The following TENT4B variants were observed in gnomAD, a reference collection of about 807,000 sequenced individuals.
The protein encoded by TENT4B is PAP associated domain containing 5.
A neutral mutation model predicts 75.0 loss-of-function variants in TENT4B; 10 were observed. The ratio of observed to expected loss-of-function variants is 0.13; its 90% CI spans 0.08 to 0.23. The LOEUF (loss-of-function observed/expected upper bound fraction) is 0.23, where lower values mean the gene tolerates loss of function less well. Among genes scored for constraint, TENT4B ranks in the 10% least tolerant of loss-of-function variants. The pLI, the probability that TENT4B is intolerant of heterozygous loss-of-function variation, is 1.00. For missense variants in TENT4B, 579 were observed against 893.8 expected (o/e 0.65, Z 4.49); for synonymous variants, 350 against 357.7 (o/e 0.98, Z 0.24).
intron 11 of TENT4B, 63 bp from the exon 12 acceptor site, chr16:50,229,089 G>A: frequency 6.3e-7 from 1 of 1,585,010 alleles, no homozygotes; most frequent in Non-Finnish European, 8.5e-7. Flanking sequence ...AAATCCAGGT[G>A]TTTGAGAACA....
chr16:50,171,316 G>A (rs1277566964), intron 1 of TENT4B, among the ~76,000 whole-genome samples: 2 of 152,096 alleles, frequency 1.3e-5, no homozygotes, highest in Non-Finnish European at 2.9e-5. Context: ...TGCAAGGATC[G>A]CTTGAGCCTA....
chr16:50,202,296 T>G (rs1353617332), intron 1 of TENT4B, among the ~76,000 whole-genome samples: 1 of 152,194 alleles, frequency 6.6e-6, no homozygotes, highest in African/African-American at 2.4e-5. Context: ...ATGGTTGTAT[T>G]TTTAACAGAG....
At position 50,153,852 on chromosome 16, in the gene TENT4B, C is replaced by A; in HGVS notation, c.231C>A (p.Ala77=). ...CCGGCGGCGCGGCCTCGGCCCCGGC[C>A]CCGGCCCCGGCCGGCATGTATCGCT... is the stretch of plus-strand genomic sequence containing the variant. The part of the protein sequence containing the change: ...GSPGGAASAP[A]PAPAGMYRSG... The change falls in exon 1 of 12, where the codon GCC becomes GCA. Residue 77 remains alanine (A), a synonymous_variant. Coordinates refer to ENST00000561678, the MANE Select transcript of TENT4B (RefSeq NM_001365324.3). The A allele has an allele frequency of 7.3e-7, 1 of 1,378,672 alleles. No homozygotes were observed. Among genetic ancestry groups the A allele is most frequent in the Non-Finnish European group, 9.3e-7 (1 of 1,070,822 alleles). The allele number at this position is 1,378,672 out of a possible 1,614,324, so 85.4% of individuals were successfully genotyped here. A position where few individuals can be genotyped will look rare whatever the true frequency, so the allele number is the denominator to read the frequency against.
At position 50,229,307 on chromosome 16, in the gene TENT4B, C is replaced by G. The variant is rs759742461; in HGVS notation, c.2121C>G (p.Pro707=). The change falls in exon 12 of 12, where the codon CCC becomes CCG. Residue 707 remains proline (P), a synonymous_variant. Coordinates refer to ENST00000561678, the MANE Select transcript of TENT4B (RefSeq NM_001365324.3). ...AGAGGAAACACAAGAGGGACGCGCC[C>G]CTCTCAGACCTCTGTAGATAGTCAG... ...GKKRKHKRDA[P]LSDLCR 1.2e-6 allele frequency: 2 copies of G among 1,613,158 alleles called. No individual in the cohort carries two copies. The highest frequency in any genetic ancestry group is 2.7e-5 in the African/African-American group (2 of 74,856).
chr16:50,232,869 A>C lies in TENT4B; in HGVS notation c.*3541A>C. The C allele has an allele frequency of 1.0e-6, 1 of 985,320 alleles. No homozygotes were observed. Among genetic ancestry groups the C allele is most frequent in the Non-Finnish European group, 1.2e-6 (1 of 829,792 alleles). The allele number at this position is 985,320 out of a possible 1,614,324, so 61.0% of individuals were successfully genotyped here. ...TTGATTTCTCAGTGTTTCTGTCACTAACCAAGAATGTTTCTAGGCAGTTGG... is the reference window on the plus strand; with the variant it reads ...TTGATTTCTCAGTGTTTCTGTCACTCACCAAGAATGTTTCTAGGCAGTTGG... On this transcript the variant is annotated 3_prime_UTR_variant, in exon 12 of 12. Coordinates refer to ENST00000561678, the MANE Select transcript of TENT4B (RefSeq NM_001365324.3).
At chr16:50,167,505 ATGTCTAATT>A (rs1180986270) in intron 1 of TENT4B, among the ~76,000 whole-genome samples, 1 of 150,548 alleles carries the variant, frequency 6.6e-6, no homozygotes, top group African/African-American at 2.4e-5. Context: ...TGTTTCAATG[ATGTCTAATT>A]TGTCTATTTT....
At chr16:50,169,223 C>G (rs915827012) in intron 1 of TENT4B, among the ~76,000 whole-genome samples, 2 of 151,972 alleles carry the variant, frequency 1.3e-5, no homozygotes, top group African/African-American at 4.8e-5. Context: ...TCTTTTCCCC[C>G]ATATTTATTT....
chr16:50,153,125 C>T, upstream of TENT4B: 3 of 975,592 alleles, frequency 3.1e-6, no homozygotes, highest in South Asian at 3.2e-5. Flanking sequence ...CACGGCGAGG[C>T]CTCCCGGGCT....
At chr16:50,220,103 C>T (rs1423026169) in intron 5 of TENT4B, among the ~76,000 whole-genome samples, 2 of 151,882 alleles carry the variant, frequency 1.3e-5, no homozygotes, top group East Asian at 3.9e-4. Flanking sequence ...ATTCTCCTGC[C>T]TTAGCCTCCT....
chr16:50,202,247 T>G (rs1187962222), intron 1 of TENT4B, among the ~76,000 whole-genome samples: 3 of 152,180 alleles, frequency 2.0e-5, no homozygotes, highest in Non-Finnish European at 2.9e-5. Flanking sequence ...GTTCTGTGCT[T>G]CTTTTACCTG....
At chr16:50,189,329 CTG>C (rs375791146) in intron 1 of TENT4B, among the ~76,000 whole-genome samples, 45 of 152,242 alleles carry the variant, frequency 3.0e-4, no homozygotes, top group African/African-American at 1.0e-3. Flanking sequence ...AAGTGTGAGA[CTG>C]TGCCAGTTTG....
rs1480533529 is a variant in TENT4B at position 50,153,877 on chromosome 16, T to C, written c.256T>C (p.Ser86Pro). 6 of 1,509,444 alleles carry C rather than the reference T, an allele frequency of 4.0e-6. No individual in the cohort carries two copies. The allele number at this position is 1,509,444 out of a possible 1,614,324, so 93.5% of individuals were successfully genotyped here. Residue 86 changes from serine (S) to proline (P), a missense_variant, in exon 1 of 12, where the codon TCC becomes CCC. Ser to Pro is a moderately conservative substitution (Grantham distance 74, BLOSUM62 -1). Coordinates refer to ENST00000561678, the MANE Select transcript of TENT4B (RefSeq NM_001365324.3). Reference protein sequence around the residue: ...PAPAPAGMYRSGERLLGSHAL... With the variant: ...PAPAPAGMYRPGERLLGSHAL... ...CCCGGCCCCGGCCGGCATGTATCGC[T>C]CCGGGGAGCGCCTGCTGGGCAGCCA...
At chr16:50,192,899 T>C (rs559708733) in intron 1 of TENT4B, among the ~76,000 whole-genome samples, 1 of 152,208 alleles carries the variant, frequency 6.6e-6, no homozygotes, top group East Asian at 1.9e-4. Context: ...CTGAGCAATG[T>C]GATGAAACCC....
Position 50,232,498 on chromosome 16 carries a change from T to G in TENT4B, c.*3170T>G, listed in dbSNP as rs2032326976. ...TTAATTGTCTTTTTCTGCTGGAACC[T>G]TATATCTCTCCATGTGTTTTCTGCT... On this transcript the variant is annotated 3_prime_UTR_variant, in exon 12 of 12. Transcript: ENST00000561678. 8.1e-6 allele frequency: 8 copies of G among 985,288 alleles called. No homozygotes were observed. The South Asian group carries it at 3.3e-4, about 41-fold the overall frequency. 61.0% of individuals were successfully genotyped at this position (985,288 alleles called of 1,614,324 possible).
chr16:50,165,555 G>T (rs971813546), intron 1 of TENT4B, among the ~76,000 whole-genome samples: 1 of 152,010 alleles, frequency 6.6e-6, no homozygotes, highest in South Asian at 2.1e-4. Context: ...ACCCCAGAAA[G>T]AAACTCTGAA....
intron 1 of TENT4B, among the ~76,000 whole-genome samples, chr16:50,202,957 G>T (rs532026049): frequency 1.3e-5 from 2 of 152,180 alleles, no homozygotes; most frequent in African/African-American, 4.8e-5. Flanking sequence ...ACTGGCAGTG[G>T]CATTTAAAAG....
At chr16:50,227,318 G>A (rs60419000) in intron 10 of TENT4B, among the ~76,000 whole-genome samples, 1 of 152,310 alleles carries the variant, frequency 6.6e-6, no homozygotes, top group African/African-American at 2.4e-5. Flanking sequence ...GGGCCAGGGT[G>A]GAGACCTGCA....
Position 50,205,593 on chromosome 16 carries a change from T to A in TENT4B, c.639-5730T>A, listed in dbSNP as rs1264072009. On this transcript the variant is annotated intron_variant, in intron 1 of 11. Transcript: ENST00000561678. ...TTTTTTTTTTTTTTTTTTTTTTTTT[T>A]TTTTTTTTTTTTTTTGAGACAGAGT... Among the ~76,000 whole-genome samples, 4 of 43,070 alleles carry A rather than the reference T, an allele frequency of 9.3e-5. 1 individual carries two copies. Among genetic ancestry groups the A allele is most frequent in the Non-Finnish European group, 1.5e-4 (3 of 19,554 alleles). 28.3% of individuals were successfully genotyped at this position (43,070 alleles called of 152,430 possible). A position where few individuals can be genotyped will look rare whatever the true frequency, so the allele number is the denominator to read the frequency against.
intron 1 of TENT4B, among the ~76,000 whole-genome samples, chr16:50,191,709 C>T (rs187172933): frequency 3.3e-5 from 5 of 151,630 alleles, no homozygotes; most frequent in African/African-American, 1.2e-4. Context: ...CACCTGAGGT[C>T]GCGAGTTCGA....
Sources: allele counts gnomAD v4.1 joint callset (sites outside exome capture counted in the v4.1 genomes callset), GRCh38; gene constraint gnomAD v4.1.1; transcripts MANE v1.5; gene names NCBI Gene and HGNC (gene_info 2026-07-23, HGNC 2026-07-21).